The following ATXN7 variants were observed in gnomAD, a reference collection of about 807,000 sequenced individuals.
ATXN7 encodes the protein ataxin 7.
In ATXN7, 12 loss-of-function variants were observed where a neutral mutation model predicts 70.5. That is an observed-to-expected ratio of 0.17 (90% CI 0.11 to 0.28). The LOEUF is 0.28. Among genes scored for constraint, ATXN7 ranks in the 10% least tolerant of loss-of-function variants. The pLI is 1.00. For synonymous variants in ATXN7, 498 were observed against 448.7 expected (o/e 1.11, Z -1.39); for missense variants, 1,256 against 1,131.7 (o/e 1.11, Z -1.58).
chr3:63,979,627 A>C (rs1414328726), intron 5 of ATXN7, among the ~76,000 whole-genome samples: 2 of 152,180 alleles, frequency 1.3e-5, no homozygotes, highest in Non-Finnish European at 2.9e-5. Flanking sequence ...CGCAAAACCC[A>C]AAAGGCAATA....
rs2075831752 is a variant in ATXN7, at chr3:64,001,415, G to A, written c.*1948G>A. The A allele has an allele frequency of 6.6e-6, 1 of 152,190 alleles. No individual in the cohort carries two copies. The highest frequency in any genetic ancestry group is 2.4e-5 in the African/African-American group (1 of 41,452). The allele number at this position is 152,190 out of a possible 1,614,324, so 9.4% of individuals were successfully genotyped here. Reference sequence around the variant, plus strand: ...GGAAGAGAGAGGTGAGAGGGAATCAGAACGTACCTAGTTGATTCCTTGGTG... The same window carrying A: ...GGAAGAGAGAGGTGAGAGGGAATCAAAACGTACCTAGTTGATTCCTTGGTG... On this transcript the variant is annotated 3_prime_UTR_variant, in exon 13 of 13. Transcript: ENST00000674280.
chr3:63,980,214 A>T (rs771649911), intron 6 of ATXN7, 47 bp downstream of exon 6: 1 of 1,610,072 alleles, frequency 6.2e-7, no homozygotes, highest in Non-Finnish European at 8.5e-7. Flanking sequence ...CTGGAAATGA[A>T]ACTGTGTACA....
At chr3:63,967,783 C>A in intron 5 of ATXN7, 1 of 1,473,898 alleles carries the variant, frequency 6.8e-7, no homozygotes, top group South Asian at 1.3e-5. Context: ...AATTCAAGTG[C>A]TTTTTACAGT....
chr3:63,941,053 T>C (rs143985871), intron 4 of ATXN7, among the ~76,000 whole-genome samples: 251 of 152,350 alleles, frequency 1.6e-3, no homozygotes, highest in Admixed American at 3.3e-3. Flanking sequence ...CCTCAGGATT[T>C]TGATATTTGC....
intron 4 of ATXN7, among the ~76,000 whole-genome samples, chr3:63,939,567 A>G (rs1272308943): frequency 6.6e-6 from 1 of 152,240 alleles, no homozygotes; most frequent in East Asian, 1.9e-4. Flanking sequence ...CATAAAAGCA[A>G]TAAAAGCACT....
At chr3:63,956,129 T>G (rs1386783242) in intron 5 of ATXN7, among the ~76,000 whole-genome samples, 1 of 152,132 alleles carries the variant, frequency 6.6e-6, no homozygotes, top group African/African-American at 2.4e-5. Context: ...CACAGCATAG[T>G]TTGCTTTCTT....
intron 12 of ATXN7, 41 bp from the exon 13 acceptor site, chr3:63,999,409 C>G (rs1372731466): frequency 6.5e-7 from 1 of 1,528,792 alleles, no homozygotes; most frequent in African/African-American, 1.4e-5. Context: ...CAAACGCTTA[C>G]TTACCATTTC....
chr3:63,982,481 T>A (rs752569677), intron 7 of ATXN7, 36 bp downstream of exon 7: 9 of 1,519,316 alleles, frequency 5.9e-6, no homozygotes, highest in Non-Finnish European at 7.2e-6. Flanking sequence ...AATGCTTCTC[T>A]ATATATTAAA....
At chr3:63,959,550 T>C (rs901198963) in intron 5 of ATXN7, among the ~76,000 whole-genome samples, 1 of 152,178 alleles carries the variant, frequency 6.6e-6, no homozygotes, top group African/African-American at 2.4e-5. Context: ...TATTAGAGAG[T>C]GATAGCGTGA....
At chr3:63,967,172 C>G (rs1419824167) in intron 5 of ATXN7, among the ~76,000 whole-genome samples, 1 of 152,150 alleles carries the variant, frequency 6.6e-6, no homozygotes, top group Non-Finnish European at 1.5e-5. Flanking sequence ...GATAGGGAAA[C>G]AGGCCAGGAA....
At chr3:63,914,284 A>G (rs1704175218) in intron 4 of ATXN7, among the ~76,000 whole-genome samples, 1 of 152,020 alleles carries the variant, frequency 6.6e-6, no homozygotes, top group Non-Finnish European at 1.5e-5. Context: ...CTTTTTCTTC[A>G]CTTAACTCTG....
At chr3:63,907,873 A>G (rs1456856144) in intron 2 of ATXN7, among the ~76,000 whole-genome samples, 1 of 152,170 alleles carries the variant, frequency 6.6e-6, no homozygotes, top group Non-Finnish European at 1.5e-5. Context: ...CCCTAGAAAC[A>G]CTGGGCATTA....
intron 1 of ATXN7, among the ~76,000 whole-genome samples, chr3:63,871,680 A>G (rs1208489420): frequency 3.9e-5 from 6 of 152,202 alleles, no homozygotes; most frequent in Non-Finnish European, 7.3e-5. Context: ...AAAAAGGTAT[A>G]TAATGAGACT....
intron 4 of ATXN7, among the ~76,000 whole-genome samples, chr3:63,921,967 A>G (rs1255832457): frequency 6.6e-6 from 1 of 152,202 alleles, no homozygotes; most frequent in African/African-American, 2.4e-5. Flanking sequence ...AGGTGTAGGC[A>G]GTGAGAGGAA....
chr3:63,976,758 A>G (rs1408581615), intron 5 of ATXN7, among the ~76,000 whole-genome samples: 2 of 152,220 alleles, frequency 1.3e-5, no homozygotes, highest in Non-Finnish European at 2.9e-5. Flanking sequence ...GCACAATGCA[A>G]AATTACGCAA....
At chr3:63,953,014 G>C (rs1038039958) in intron 5 of ATXN7, among the ~76,000 whole-genome samples, 5 of 151,916 alleles carry the variant, frequency 3.3e-5, no homozygotes. Context: ...TTTCTGCCCA[G>C]TTTGGCTCAA....
At chr3:63,902,787 AAC>A (rs960018585) in intron 2 of ATXN7, among the ~76,000 whole-genome samples, 2 of 152,144 alleles carry the variant, frequency 1.3e-5, no homozygotes, top group African/African-American at 2.4e-5. Context: ...CCACTCACCT[AAC>A]AGAGTTTTGT....
intron 4 of ATXN7, among the ~76,000 whole-genome samples, chr3:63,943,300 G>A (rs2074801126): frequency 6.6e-6 from 1 of 152,204 alleles, no homozygotes; most frequent in East Asian, 1.9e-4. Context: ...TGAGGTTGCC[G>A]ATGTTAGGCA....
In ATXN7 at chr3:63,990,399, T is replaced by C. The variant is rs755965898; in HGVS notation, c.1560+25T>C. 3.1e-6 allele frequency: 5 copies of C among 1,613,330 alleles called. No individual in the cohort carries two copies. The African/African-American group carries it at 6.7e-5, about 22-fold the overall frequency. On this transcript the variant is annotated intron_variant, in intron 10 of 12. Coordinates refer to ENST00000674280, the MANE Select transcript of ATXN7 (RefSeq NM_001377405.1). ...TGTAAGTTCCACGTCCACCCCCGCG[T>C]TGACCCTCCCCACACAGCATGGACA... is the stretch of plus-strand genomic sequence containing the variant.
Sources: gnomAD v4.1 joint callset for allele counts (sites outside exome capture counted in the v4.1 genomes callset) on GRCh38, gnomAD v4.1.1 for gene constraint, MANE v1.5 for transcripts, NCBI Gene and HGNC (gene_info 2026-07-23, HGNC 2026-07-21) for gene names.